Variants in INSYN1 observed in about 807,000 individuals in gnomAD.
INSYN1 encodes inhibitory synaptic factor 1, also known as UPF0583 protein C15orf59.
Under a neutral mutation model 17.1 loss-of-function variants are expected in INSYN1, and 7 were observed. The ratio of observed to expected loss-of-function variants is 0.41; its 90% confidence interval spans 0.23 to 0.77. The LOEUF is 0.77. INSYN1 is among the 30% of genes least tolerant of loss of function. INSYN1 has a pLI of 0.32. For missense variants in INSYN1, 339 were observed against 400.6 expected (o/e 0.85, Z 1.31); for synonymous variants, 174 against 166.3 (o/e 1.05, Z -0.36).
At chr15:73,748,025 G>A (rs1326710950) in intron 2 of INSYN1, among the ~76,000 whole-genome samples, 1 of 152,148 alleles carries the variant, frequency 6.6e-6, no homozygotes, top group East Asian at 1.9e-4. Flanking sequence ...AGGTGTGGGA[G>A]AGGGAACTTC....
chr15:73,744,486 T>C (rs1269752658), intron 2 of INSYN1, among the ~76,000 whole-genome samples: 1 of 152,168 alleles, frequency 6.6e-6, no homozygotes, highest in Non-Finnish European at 1.5e-5. Context: ...GGAAGCCATG[T>C]GCCCAAGGGT....
At position 73,751,052 on chromosome 15, in the gene INSYN1, G is replaced by C. The variant is rs752213042; in HGVS notation, c.79C>G (p.Gln27Glu). The C allele has an allele frequency of 6.2e-7, 1 of 1,614,028 alleles. No individual in the cohort carries two copies. The highest frequency in any genetic ancestry group is 8.5e-7 in the Non-Finnish European group (1 of 1,180,010). The part of the protein sequence containing the change: ...SSGGERERIR[Q>E]RMKMVIGQLE... ...TGCCCGATGACCATCTTCATGCGCT[G>C]TCGAATCCGCTCCCGCTCACCACCA... Residue 27 changes from glutamine to glutamate, a missense_variant, in exon 2 of 3, where the codon CAG becomes GAG. Gln to Glu is a conservative substitution (Grantham distance 29). Transcript: ENST00000569673.
intron 2 of INSYN1, among the ~76,000 whole-genome samples, chr15:73,749,375 A>C (rs1438947596): frequency 6.6e-6 from 1 of 152,148 alleles, no homozygotes; most frequent in African/African-American, 2.4e-5. Flanking sequence ...GATCCTTTGA[A>C]GCTCTGGGTG....
rs1206201536 is a variant in INSYN1, at chr15:73,740,069, G to T, written c.730C>A (p.Pro244Thr). Residue 244 changes from proline (P) to threonine (T), a missense_variant, in exon 3 of 3, where the codon CCA (proline) becomes ACA (threonine). By Grantham distance (38) the Pro-to-Thr change is conservative. Coordinates refer to ENST00000569673, the MANE Select transcript of INSYN1 (RefSeq NM_001039614.3). ...SPAPYKSRRSPLTSRHSGSTL... is the reference protein window; with the variant it reads ...SPAPYKSRRSTLTSRHSGSTL... Reference sequence around the variant, plus strand: ...GAGCCTGAGTGGCGGCTGGTCAGTGGAGAGCGCCGTGACTTGTAGGGGGCT... The same window carrying T: ...GAGCCTGAGTGGCGGCTGGTCAGTGTAGAGCGCCGTGACTTGTAGGGGGCT... 52 of 1,613,568 alleles carry T rather than the reference G, an allele frequency of 3.2e-5. No individual in the cohort carries two copies. The highest frequency in any genetic ancestry group is 4.2e-5 in the Non-Finnish European group (49 of 1,179,872).
At chr15:73,751,783 G>A in intron 1 of INSYN1, 86 bp from the exon 2 acceptor site, 1 of 140,824 alleles carries the variant, frequency 7.1e-6, no homozygotes, top group Non-Finnish European at 1.5e-5. Flanking sequence ...TCGCCAGCCT[G>A]CACCCTTCCT....
rs534540529 is a variant in INSYN1 at position 73,740,319 on chromosome 15, G to A, written c.480C>T (p.Ser160=). 11 of 1,611,780 alleles carry A rather than the reference G, an allele frequency of 6.8e-6. No homozygotes were observed. The highest frequency in any genetic ancestry group is 9.3e-6 in the Non-Finnish European group (11 of 1,178,994). The change falls in exon 3 of 3, where the codon TCC becomes TCT. Residue 160 remains serine, a synonymous_variant. Transcript: ENST00000569673. ...NGPRVETPDS[S]SEEAFGAGPT... is the part of the protein sequence containing the mutation. ...GGCCAGCACCAAAGGCCTCCTCACT[G>A]GAGGAGTCTGGGGTCTCCACTCGTG...
intron 2 of INSYN1, among the ~76,000 whole-genome samples, chr15:73,748,013 G>C (rs1340305746): frequency 1.3e-5 from 2 of 152,160 alleles, no homozygotes; most frequent in East Asian, 3.9e-4. Flanking sequence ...CGAGGGCGAG[G>C]GAGGTGTGGG....
chr15:73,748,059 G>A (rs557042173), intron 2 of INSYN1, among the ~76,000 whole-genome samples: 14 of 152,258 alleles, frequency 9.2e-5, no homozygotes, highest in African/African-American at 3.4e-4. Flanking sequence ...GTGTGAGTAG[G>A]TGTTGATCCC....
At chr15:73,741,273 G>C (rs1029546265) in intron 2 of INSYN1, among the ~76,000 whole-genome samples, 1 of 152,212 alleles carries the variant, frequency 6.6e-6, no homozygotes, top group Non-Finnish European at 1.5e-5. Context: ...ATCTCCCGGA[G>C]CCTCCTCATT....
chr15:73,749,233 G>T (rs1044316125), intron 2 of INSYN1, among the ~76,000 whole-genome samples: 2 of 152,126 alleles, frequency 1.3e-5, no homozygotes, highest in Non-Finnish European at 2.9e-5. Flanking sequence ...CCCAGAAAAG[G>T]CATCAGGAAC....
intron 2 of INSYN1, among the ~76,000 whole-genome samples, chr15:73,746,375 T>C (rs1433702812): frequency 6.6e-6 from 1 of 152,156 alleles, no homozygotes; most frequent in Non-Finnish European, 1.5e-5. Context: ...ACGCAATTCT[T>C]GCTGAGCTGC....
chr15:73,743,337 T>C (rs766576626), intron 2 of INSYN1, among the ~76,000 whole-genome samples: 5 of 152,172 alleles, frequency 3.3e-5, no homozygotes, highest in Non-Finnish European at 7.4e-5. Context: ...TCTTTATTAG[T>C]ACACTCCTCT....
At chr15:73,742,147 C>T (rs1214252723) in intron 2 of INSYN1, among the ~76,000 whole-genome samples, 1 of 152,192 alleles carries the variant, frequency 6.6e-6, no homozygotes, top group South Asian at 2.1e-4. Context: ...GGTGCTGATG[C>T]CTAGGGATGG....
rs1288742400 is a variant in INSYN1 at position 73,752,978 on chromosome 15, G to GAGGGT, written c.-1437_-1436insACCCT. On this transcript the variant is annotated 5_prime_UTR_variant, in exon 1 of 3. Transcript: ENST00000569673. The surrounding 1 kb of genome is among the most constrained non-coding windows in gnomAD (Gnocchi z 5.2). Reference sequence around the variant, plus strand: ...GCGGCGAGGGGAAGGGAGGGGAGGGGGCGAGCGGCGGGCCGGGCCGGGCCG... The same window carrying GAGGGT: ...GCGGCGAGGGGAAGGGAGGGGAGGGGAGGGTGCGAGCGGCGGGCCGGGCCGGGCCG... Among the ~76,000 whole-genome samples the GAGGGT allele has an allele frequency of 6.7e-6, 1 of 150,262 alleles. No individual in the cohort carries two copies. Among genetic ancestry groups the GAGGGT allele is most frequent in the Non-Finnish European group, 1.5e-5 (1 of 67,318 alleles).
At chr15:73,749,981 C>A (rs1901938178) in intron 2 of INSYN1, among the ~76,000 whole-genome samples, 1 of 152,202 alleles carries the variant, frequency 6.6e-6, no homozygotes, top group Non-Finnish European at 1.5e-5. Flanking sequence ...TCCTAGAGCC[C>A]CTATCCTCCC....
intron 2 of INSYN1, among the ~76,000 whole-genome samples, chr15:73,741,775 G>A (rs1901697379): frequency 6.6e-6 from 1 of 152,204 alleles, no homozygotes; most frequent in East Asian, 1.9e-4. Flanking sequence ...TCAACCTGGG[G>A]TCAGAGCAGG....
chr15:73,744,306 C>T (rs1222340281), intron 2 of INSYN1, among the ~76,000 whole-genome samples: 2 of 152,192 alleles, frequency 1.3e-5, no homozygotes, highest in African/African-American at 4.8e-5. Context: ...CAAAACCTAG[C>T]ACATGGACAG....
intron 2 of INSYN1, among the ~76,000 whole-genome samples, chr15:73,741,126 C>T (rs1412572836): frequency 1.3e-5 from 2 of 152,190 alleles, no homozygotes; most frequent in Non-Finnish European, 2.9e-5. Flanking sequence ...ACAAGGAAGA[C>T]CCTGTGTGGG....
chr15:73,751,241 C>T lies in INSYN1; in HGVS notation c.-111G>A. ...GGCAGAGCTCCACATTTTAACGGCCCCCCAGCCCACCCTGGCCCTGGGCGG... is the reference window on the plus strand; with the variant it reads ...GGCAGAGCTCCACATTTTAACGGCCTCCCAGCCCACCCTGGCCCTGGGCGG... On this transcript the variant is annotated 5_prime_UTR_variant, in exon 2 of 3. Coordinates refer to ENST00000569673, the MANE Select transcript of INSYN1 (RefSeq NM_001039614.3). The T allele has an allele frequency of 7.6e-7, 1 of 1,321,122 alleles. No individual in the cohort carries two copies. The highest frequency in any genetic ancestry group is 1.4e-5 in the South Asian group (1 of 73,584). 81.8% of individuals were successfully genotyped at this position (1,321,122 alleles called of 1,614,324 possible).
Sources: allele counts gnomAD v4.1 joint callset (sites outside exome capture counted in the v4.1 genomes callset), GRCh38; gene constraint gnomAD v4.1.1; non-coding constraint Gnocchi (gnomAD v3.1); transcripts MANE v1.5; gene names NCBI Gene and HGNC (gene_info 2026-07-23, HGNC 2026-07-21).